The following ITPR1 variants were observed in gnomAD, a reference collection of about 807,000 sequenced individuals.
ITPR1 encodes inositol 1,4,5-trisphosphate-gated calcium channel ITPR1.
A neutral mutation model predicts 318.4 loss-of-function variants in ITPR1; 96 were observed. That is an observed-to-expected ratio of 0.30 (90% CI 0.26 to 0.36). The LOEUF is 0.36. Ranked by LOEUF, ITPR1 falls within the 10% of genes least tolerant of loss-of-function variation. ITPR1 has a pLI of 1.00. For synonymous variants in ITPR1, 1,312 were observed against 1,289.9 expected, an observed-to-expected ratio of 1.02 and a Z score of -0.37; for missense variants, 2,440 against 3,460.2, an observed-to-expected ratio of 0.71 and a Z score of 7.40.
At chr3:4,701,583 G>C (rs3828435) in intron 35 of ITPR1, among the ~76,000 whole-genome samples, 44,541 of 152,164 alleles carry the variant, frequency 0.29, 7,257 homozygotes, top group Non-Finnish European at 0.38. Flanking sequence ...GATTCTGGCT[G>C]CCAGGTGAAC....
chr3:4,583,677 T>G (rs1384491197), intron 4 of ITPR1, among the ~76,000 whole-genome samples: 1 of 152,202 alleles, frequency 6.6e-6, no homozygotes, highest in African/African-American at 2.4e-5. Context: ...CGGGGTTCGT[T>G]ATTCCTGGAA....
chr3:4,542,201 T>G (rs1322748390), intron 4 of ITPR1, among the ~76,000 whole-genome samples: 11 of 152,218 alleles, frequency 7.2e-5, no homozygotes, highest in Non-Finnish European at 1.3e-4. Context: ...TCTCTAAAAA[T>G]TACAGTAGGT....
At chr3:4,717,771 C>T (rs531460807) in intron 40 of ITPR1, among the ~76,000 whole-genome samples, 2 of 152,182 alleles carry the variant, frequency 1.3e-5, no homozygotes, top group Non-Finnish European at 2.9e-5. Flanking sequence ...GCATCTGATA[C>T]AAAACGATAC....
At chr3:4,706,488 G>A (rs1450649993) in intron 37 of ITPR1, 137 bp downstream of exon 37, 3 of 710,638 alleles carry the variant, frequency 4.2e-6, no homozygotes, top group Admixed American at 3.1e-5. Flanking sequence ...ATAGTCAAAT[G>A]TTATATATGT....
At position 4,644,327 on chromosome 3, in the gene ITPR1, G is replaced by A. The variant is rs2093405945; in HGVS notation, c.624+93G>A. Reference sequence around the variant, plus strand: ...CATGCGTGTGCTGAGAGTGACTTCAGCAGTGACTTGGGGCAGGGTGCCCAT... The same window carrying A: ...CATGCGTGTGCTGAGAGTGACTTCAACAGTGACTTGGGGCAGGGTGCCCAT... On this transcript the variant is annotated intron_variant, in intron 8 of 61. Coordinates refer to ENST00000649015, the MANE Select transcript of ITPR1 (RefSeq NM_001378452.1). 4.2e-5 allele frequency: 34 copies of A among 816,786 alleles called. No homozygotes were observed. In the South Asian group the frequency reaches 5.7e-4, roughly 14 times the overall value. 50.6% of individuals were successfully genotyped at this position (816,786 alleles called of 1,614,324 possible).
At chr3:4,648,664 G>T (rs1283216076) in intron 10 of ITPR1, among the ~76,000 whole-genome samples, 1 of 152,100 alleles carries the variant, frequency 6.6e-6, no homozygotes, top group African/African-American at 2.4e-5. Context: ...ACAAAAATTA[G>T]CCAGGCATGA....
chr3:4,775,072 G>T (rs1349714039), intron 46 of ITPR1, among the ~76,000 whole-genome samples, 170 bp from the exon 47 acceptor site: 2 of 152,174 alleles, frequency 1.3e-5, no homozygotes, highest in Non-Finnish European at 2.9e-5. Flanking sequence ...CCAAGTCCAT[G>T]GGTTTATCAT....
Position 4,702,914 on chromosome 3 carries a change from T to C in ITPR1, c.4621T>C (p.Ser1541Pro). 1 of 1,613,980 alleles carries C rather than the reference T, an allele frequency of 6.2e-7. No individual in the cohort carries two copies. The highest frequency in any genetic ancestry group is 8.5e-7 in the Non-Finnish European group (1 of 1,179,860). The change falls in exon 36 of 62, where the codon TCC becomes CCC. Residue 1541 changes from serine (S) to proline (P), a missense_variant. This residue lies in a region of ITPR1 where 166 missense variants were observed against 246.5 expected (regional missense o/e 0.67). Coordinates refer to ENST00000649015, the MANE Select transcript of ITPR1 (RefSeq NM_001378452.1). ...CTGGTTAATGCCAAGCCAAAAAGCC[T>C]CCGTGGAGAGCTGTATTCGGGTGCT... ...CNWLMPSQKA[S>P]VESCIRVLSD...
rs1419797565 is a variant in ITPR1 at position 4,777,317 on chromosome 3, C to A, written c.6234C>A (p.Ile2078=). ...GCATTGACATCATCACAGCCCTGAT[C>A]CTCAATGATATCAATCCTTTGGGAA... ...SNGIDIITAL[I]LNDINPLGKK... The change falls in exon 48 of 62, where the codon ATC becomes ATA. Residue 2078 remains isoleucine, a synonymous_variant. Transcript: ENST00000649015. 1.9e-6 allele frequency: 3 copies of A among 1,608,128 alleles called. No homozygotes were observed. Among genetic ancestry groups the A allele is most frequent in the Non-Finnish European group, 2.5e-6 (3 of 1,177,214 alleles).
intron 44 of ITPR1, among the ~76,000 whole-genome samples, chr3:4,758,555 T>C (rs1160693341): frequency 6.6e-6 from 1 of 152,174 alleles, no homozygotes; most frequent in Non-Finnish European, 1.5e-5. Flanking sequence ...ACTTCCTGAA[T>C]TCTGGGAAAG....
chr3:4,650,604 T>TGTGTG (rs1411415069), intron 10 of ITPR1, among the ~76,000 whole-genome samples: 3 of 78,478 alleles, frequency 3.8e-5, no homozygotes, highest in African/African-American at 1.4e-4. Flanking sequence ...ATGATATGCC[T>TGTGTG]TAGTGTGTGT....
chr3:4,731,483 C>T (rs1015043118), intron 42 of ITPR1, among the ~76,000 whole-genome samples: 1 of 152,194 alleles, frequency 6.6e-6, no homozygotes, highest in Non-Finnish European at 1.5e-5. Flanking sequence ...AAGTTACCCT[C>T]CTTTGCTGAA....
intron 2 of ITPR1, among the ~76,000 whole-genome samples, chr3:4,496,656 A>G (rs2080596287): frequency 6.6e-6 from 1 of 152,234 alleles, no homozygotes; most frequent in African/African-American, 2.4e-5. Flanking sequence ...TAAGTGAGGA[A>G]GATCAGGGTG....
chr3:4,846,511 A>G lies in ITPR1; in HGVS notation c.*286A>G, dbSNP rs2051790182. The G allele has an allele frequency of 4.1e-6, 1 of 245,234 alleles. No individual in the cohort carries two copies. The allele number at this position is 245,234 out of a possible 1,614,324, so 15.2% of individuals were successfully genotyped here. ...GATTTGCACTTGAACCAGATTATAG[A>G]TTTAAAAGTATATGACATGTATTTT... On this transcript the variant is annotated 3_prime_UTR_variant, in exon 62 of 62. Coordinates refer to ENST00000649015, the MANE Select transcript of ITPR1 (RefSeq NM_001378452.1).
At chr3:4,701,079 C>T (rs1308654127) in intron 35 of ITPR1, among the ~76,000 whole-genome samples, 1 of 152,272 alleles carries the variant, frequency 6.6e-6, no homozygotes, top group East Asian at 1.9e-4. Flanking sequence ...CACCAGATTG[C>T]CTGTTGCGTT....
intron 4 of ITPR1, among the ~76,000 whole-genome samples, chr3:4,583,427 G>A (rs185216525): frequency 6.6e-6 from 1 of 152,218 alleles, no homozygotes; most frequent in East Asian, 1.9e-4. Context: ...CAGCTTCGTG[G>A]GTTTGAAACT....
chr3:4,636,542 C>T (rs942408046), intron 5 of ITPR1, among the ~76,000 whole-genome samples: 12 of 152,180 alleles, frequency 7.9e-5, no homozygotes, highest in Non-Finnish European at 1.5e-4. Context: ...GATTCTCCTG[C>T]CTCAGCCTCC....
At chr3:4,837,050 G>A (rs2050974927) in intron 61 of ITPR1, 115 bp downstream of exon 61, 1 of 961,978 alleles carries the variant, frequency 1.0e-6, no homozygotes, top group Non-Finnish European at 1.4e-6. Context: ...GATGGAAAAG[G>A]GAGCCAGGCA....
intron 4 of ITPR1, among the ~76,000 whole-genome samples, chr3:4,531,789 A>G (rs2083435994): frequency 6.6e-6 from 1 of 151,890 alleles, no homozygotes; most frequent in Non-Finnish European, 1.5e-5. Context: ...CAACCTTCAA[A>G]TCTCAGGCAT....
Sources: allele counts gnomAD v4.1 joint callset (sites outside exome capture counted in the v4.1 genomes callset), GRCh38; gene constraint gnomAD v4.1.1; regional missense constraint gnomAD v4.1.1; transcripts MANE v1.5; gene names NCBI Gene and HGNC (gene_info 2026-07-23, HGNC 2026-07-21).